Variants in CHP1 observed in about 807,000 individuals in gnomAD.
The protein encoded by CHP1 is calcineurin B homologous protein 1.
A neutral mutation model predicts 27.4 loss-of-function variants in CHP1; 11 were observed. That is an observed-to-expected ratio of 0.40 (90% CI 0.25 to 0.67). The LOEUF is 0.67. CHP1 is among the 30% of genes least tolerant of loss of function. The probability of loss-of-function intolerance (pLI) is 0.38; values close to 1 mark genes in which losing one functional copy is unlikely to be tolerated. For missense variants in CHP1, 169 were observed against 251.3 expected, an observed-to-expected ratio of 0.67 and a Z score of 2.22; for synonymous variants, 89 against 87.4, an observed-to-expected ratio of 1.02 and a Z score of -0.10.
chr15:41,268,641 C>CAA (rs781241008), intron 4 of CHP1, among the ~76,000 whole-genome samples: 4 of 128,990 alleles, frequency 3.1e-5, no homozygotes, highest in African/African-American at 8.6e-5. Context: ...GACTCCATCT[C>CAA]AAAAAAAAAA....
intron 1 of CHP1, among the ~76,000 whole-genome samples, chr15:41,232,234 G>A (rs942861757): frequency 4.3e-5 from 6 of 139,122 alleles, no homozygotes; most frequent in Admixed American, 3.0e-4. Flanking sequence ...TTTTTGAAAC[G>A]GAGTCTCCCT....
intron 5 of CHP1, among the ~76,000 whole-genome samples, chr15:41,271,355 G>T (rs1490642663): frequency 1.3e-5 from 2 of 151,958 alleles, no homozygotes; most frequent in Non-Finnish European, 2.9e-5. Flanking sequence ...TTGAACCCAG[G>T]AGGTGGAGGT....
At chr15:41,250,799 T>C (rs994791952) in intron 2 of CHP1, among the ~76,000 whole-genome samples, 1 of 151,300 alleles carries the variant, frequency 6.6e-6, no homozygotes, top group African/African-American at 2.4e-5. Context: ...TTTCAGAATA[T>C]CAAGAGGAGA....
intron 4 of CHP1, among the ~76,000 whole-genome samples, chr15:41,269,217 A>G (rs950917663): frequency 6.6e-6 from 1 of 152,040 alleles, no homozygotes; most frequent in Admixed American, 6.6e-5. Flanking sequence ...AAATAAATAA[A>G]TAAAATAAAA....
intron 5 of CHP1, among the ~76,000 whole-genome samples, chr15:41,276,928 C>CA (rs1014813103): frequency 6.6e-6 from 1 of 152,204 alleles, no homozygotes; most frequent in Middle Eastern, 3.2e-3. Flanking sequence ...ATCCATAGCT[C>CA]ATATTACTCA....
chr15:41,237,367 C>T (rs1051041280), intron 1 of CHP1, among the ~76,000 whole-genome samples: 3 of 151,994 alleles, frequency 2.0e-5, no homozygotes, highest in Non-Finnish European at 4.4e-5. Flanking sequence ...AGGCTGGTCT[C>T]GAACTCCTAA....
At position 41,280,505 on chromosome 15, in the gene CHP1, A is replaced by ATTTTTTTTTTTTTTTTTTTTTTTTTTTTT. The variant is rs34921023; in HGVS notation, c.*1143_*1144insTTTTTTTTTTTTTTTTTTTTTTTTTTTTT. 1 of 111,340 alleles carries ATTTTTTTTTTTTTTTTTTTTTTTTTTTTT rather than the reference A, an allele frequency of 9.0e-6. No individual in the cohort carries two copies. Among genetic ancestry groups the ATTTTTTTTTTTTTTTTTTTTTTTTTTTTT allele is most frequent in the African/African-American group, 3.5e-5 (1 of 28,614 alleles). 6.9% of individuals were successfully genotyped at this position (111,340 alleles called of 1,614,324 possible). On this transcript the variant is annotated 3_prime_UTR_variant, in exon 7 of 7. Coordinates refer to ENST00000334660, the MANE Select transcript of CHP1 (RefSeq NM_007236.5). ...GGAAGTGCCTAATATCCCAGTCCAA[A>ATTTTTTTTTTTTTTTTTTTTTTTTTTTTT]TTTTTTTTTTTTTTTTTTTTTTTTT... is the stretch of plus-strand genomic sequence containing the variant.
intron 5 of CHP1, among the ~76,000 whole-genome samples, chr15:41,273,833 C>T (rs187815739): frequency 2.8e-4 from 42 of 151,518 alleles, no homozygotes; most frequent in African/African-American, 8.9e-4. Context: ...TCCAGCTACT[C>T]GGGAGGCTGA....
At chr15:41,268,154 A>G (rs2047471300) in intron 4 of CHP1, among the ~76,000 whole-genome samples, 1 of 152,154 alleles carries the variant, frequency 6.6e-6, no homozygotes. Context: ...AACAAGATTT[A>G]TTGTGGTGAC....
chr15:41,246,322 G>GT (rs201206205), intron 2 of CHP1, among the ~76,000 whole-genome samples: 85 of 150,192 alleles, frequency 5.7e-4, no homozygotes, highest in African/African-American at 2.0e-3. Flanking sequence ...TTAATGAGCT[G>GT]TTTCTTTTTT....
rs114449635 is a variant in CHP1 at position 41,253,896 on chromosome 15, C to T, written c.141-3014C>T. ...ACCTTCTAGGCTCAAACAATCCTCC[C>T]GCTTCAGCTTCCCAAGTAGCTGGGA... is the stretch of plus-strand genomic sequence containing the variant. On this transcript the variant is annotated intron_variant, in intron 2 of 6. Transcript: ENST00000334660. Among the ~76,000 whole-genome samples, 832 of 151,996 alleles carry T rather than the reference C, an allele frequency of 5.5e-3. 6 individuals carry two copies. Among genetic ancestry groups the T allele is most frequent in the Middle Eastern group, 0.017 (5 of 294 alleles).
rs2047535857 is a variant in CHP1, at chr15:41,279,581, C to T, written c.*192C>T. 8.6e-6 allele frequency: 5 copies of T among 578,362 alleles called. No individual in the cohort carries two copies. In the Admixed American group the frequency reaches 9.1e-5, roughly 11 times the overall value. 35.8% of individuals were successfully genotyped at this position (578,362 alleles called of 1,614,324 possible). ...ATAAACAGGGCATTACAGAATGGTACACCCTATATATTTCTGTTCAGTATC... is the reference window on the plus strand; with the variant it reads ...ATAAACAGGGCATTACAGAATGGTATACCCTATATATTTCTGTTCAGTATC... On this transcript the variant is annotated 3_prime_UTR_variant, in exon 7 of 7. Transcript: ENST00000334660.
Position 41,279,413 on chromosome 15 carries a change from G to A in CHP1, c.*24G>A. 12 of 1,605,004 alleles carry A rather than the reference G, an allele frequency of 7.5e-6. No homozygotes were observed. Among genetic ancestry groups the A allele is most frequent in the Non-Finnish European group, 1.0e-5 (12 of 1,173,628 alleles). ...AAAGGAGACCAAACTGTTCCTTGCG[G>A]TCTAGTATTTAAGAACTGGAACTTG... On this transcript the variant is annotated 3_prime_UTR_variant, in exon 7 of 7. Coordinates refer to ENST00000334660, the MANE Select transcript of CHP1 (RefSeq NM_007236.5).
At chr15:41,270,432 C>G in intron 4 of CHP1, 125 bp from the exon 5 acceptor site, 1 of 699,234 alleles carries the variant, frequency 1.4e-6, no homozygotes, top group Non-Finnish European at 2.5e-6. Context: ...CAAGTAATGG[C>G]AATTGTTCTT....
In CHP1 at chr15:41,279,499, C is replaced by A; in HGVS notation, c.*110C>A. 1 of 894,198 alleles carries A rather than the reference C, an allele frequency of 1.1e-6. No individual in the cohort carries two copies. The highest frequency in any genetic ancestry group is 1.8e-6 in the Non-Finnish European group (1 of 558,360). 55.4% of individuals were successfully genotyped at this position (894,198 alleles called of 1,614,324 possible). A position where few individuals can be genotyped will look rare whatever the true frequency, so the allele number is the denominator to read the frequency against. On this transcript the variant is annotated 3_prime_UTR_variant, in exon 7 of 7. Coordinates refer to ENST00000334660, the MANE Select transcript of CHP1 (RefSeq NM_007236.5). ...TCATTCCCCTTCTCCCAAAGTACTA[C>A]TGCTGTTGCATGACAACCCCAAATA...
intron 5 of CHP1, among the ~76,000 whole-genome samples, chr15:41,277,149 T>G (rs1235750803): frequency 6.6e-6 from 1 of 152,176 alleles, no homozygotes; most frequent in Non-Finnish European, 1.5e-5. Flanking sequence ...TGGGGATACA[T>G]TCTGAGATAT....
chr15:41,268,092 T>G (rs1446996644), intron 4 of CHP1, among the ~76,000 whole-genome samples: 1 of 152,132 alleles, frequency 6.6e-6, no homozygotes, highest in Non-Finnish European at 1.5e-5. Flanking sequence ...CTTGCTTTCT[T>G]AGAACTTATG....
chr15:41,272,442 G>A (rs1156531647), intron 5 of CHP1: 3 of 151,892 alleles, frequency 2.0e-5, no homozygotes, highest in Admixed American at 6.6e-5. Context: ...TTTGTTTTTT[G>A]AGAGAGTCTC....
intron 1 of CHP1, among the ~76,000 whole-genome samples, chr15:41,239,829 T>A (rs929776149): frequency 6.6e-6 from 1 of 151,996 alleles, no homozygotes; most frequent in African/African-American, 2.4e-5. Context: ...CAGGCTGGAG[T>A]GCAGTGGCGC....
Sources: allele counts gnomAD v4.1 joint callset (sites outside exome capture counted in the v4.1 genomes callset), GRCh38; gene constraint gnomAD v4.1.1; transcripts MANE v1.5; gene names NCBI Gene and HGNC (gene_info 2026-07-23, HGNC 2026-07-21).